Variants in BICRAL observed in about 807,000 individuals in gnomAD.
BICRAL encodes the protein BRD4-interacting chromatin-remodeling complex-associated protein-like.
Under a neutral mutation model 91.8 loss-of-function variants are expected in BICRAL, and 8 were observed. The observed-to-expected ratio is 0.09, with a 90% CI of 0.05 to 0.16. BICRAL has a LOEUF of 0.16. Among genes scored for constraint, BICRAL ranks in the 10% least tolerant of loss-of-function variants. The pLI, the probability that BICRAL is intolerant of heterozygous loss-of-function variation, is 1.00. For missense variants in BICRAL, 1,038 were observed against 1,310.9 expected (o/e 0.79, Z 3.21); for synonymous variants, 445 against 491.1 (o/e 0.91, Z 1.24).
intron 2 of BICRAL, among the ~76,000 whole-genome samples, chr6:42,815,694 A>G (rs1763970440): frequency 6.6e-6 from 1 of 152,088 alleles, no homozygotes; most frequent in Non-Finnish European, 1.5e-5. Context: ...TTTTTAAGAT[A>G]CAGTATTTCT....
chr6:42,836,965 G>A (rs568761732), intron 6 of BICRAL, among the ~76,000 whole-genome samples: 11 of 146,094 alleles, frequency 7.5e-5, no homozygotes, highest in African/African-American at 2.5e-4. Context: ...TTTTTTTTGA[G>A]ATGGAGTCTC....
intron 10 of BICRAL, among the ~76,000 whole-genome samples, chr6:42,859,935 G>A (rs1030747339): frequency 1.4e-4 from 21 of 152,036 alleles, no homozygotes; most frequent in South Asian, 4.1e-4. Context: ...ATGAGCCACC[G>A]TGCCCGGCCT....
chr6:42,760,975 T>C (rs1762534416), intron 1 of BICRAL, among the ~76,000 whole-genome samples: 2 of 146,584 alleles, frequency 1.4e-5, no homozygotes, highest in African/African-American at 2.7e-5. Flanking sequence ...TCAGCCGAGA[T>C]CACGCCACTG....
Position 42,840,314 on chromosome 6 carries a change from C to T in BICRAL, c.1839+10142C>T, listed in dbSNP as rs1764749219. ...CTGGAGTGCAGTGGTGCAATCTTGG[C>T]CCACTGCAACCTCTGCCTCCCGGGT... On this transcript the variant is annotated intron_variant, in intron 6 of 12. Transcript: ENST00000314073. Among the ~76,000 whole-genome samples, 3 of 144,260 alleles carry T rather than the reference C, an allele frequency of 2.1e-5. No individual in the cohort carries two copies. The South Asian group carries it at 6.8e-4, about 33-fold the overall frequency. The allele number at this position is 144,260 out of a possible 152,430, so 94.6% of individuals were successfully genotyped here.
At chr6:42,764,468 C>T (rs1238360876) in intron 1 of BICRAL, among the ~76,000 whole-genome samples, 1 of 151,716 alleles carries the variant, frequency 6.6e-6, no homozygotes. Context: ...TGGAGGATCA[C>T]CTGAGCCTGG....
intron 1 of BICRAL, among the ~76,000 whole-genome samples, chr6:42,802,517 C>T (rs1763606934): frequency 6.6e-6 from 1 of 151,894 alleles, no homozygotes; most frequent in African/African-American, 2.4e-5. Context: ...GGCACGATCT[C>T]GGCTCACTGC....
At chr6:42,761,942 T>G (rs1762557252) in intron 1 of BICRAL, among the ~76,000 whole-genome samples, 1 of 152,048 alleles carries the variant, frequency 6.6e-6, no homozygotes, top group South Asian at 2.1e-4. Flanking sequence ...CGTACTTCTT[T>G]CAGGATTATC....
At chr6:42,783,149 C>T (rs1762978632) in intron 1 of BICRAL, among the ~76,000 whole-genome samples, 1 of 151,184 alleles carries the variant, frequency 6.6e-6, no homozygotes, top group Admixed American at 6.6e-5. Flanking sequence ...CGCTCCCGCT[C>T]CGAGCCCGCG....
chr6:42,812,924 A>G (rs1763881356), intron 2 of BICRAL, among the ~76,000 whole-genome samples: 1 of 152,084 alleles, frequency 6.6e-6, no homozygotes, highest in South Asian at 2.1e-4. Context: ...GGTCCCAGCT[A>G]CTCAAGAGGC....
intron 1 of BICRAL, among the ~76,000 whole-genome samples, chr6:42,800,769 A>G (rs911192006): frequency 2.6e-5 from 4 of 152,114 alleles, no homozygotes; most frequent in African/African-American, 9.7e-5. Flanking sequence ...TCCTCAGTGT[A>G]TCTTCCTTGG....
intron 12 of BICRAL, among the ~76,000 whole-genome samples, chr6:42,863,853 C>T (rs570232742): frequency 3.4e-4 from 52 of 152,216 alleles, no homozygotes; most frequent in Admixed American, 9.2e-4. Flanking sequence ...CATGGTGAAA[C>T]CCCGTCTTTA....
In BICRAL at chr6:42,809,759, C is replaced by T. The variant is rs530079266; in HGVS notation, c.-101-547C>T. Among the ~76,000 whole-genome samples the T allele has an allele frequency of 5.9e-5, 9 of 151,630 alleles. No individual in the cohort carries two copies. The South Asian group carries it at 1.3e-3, about 21-fold the overall frequency. ...CCAAAGTGCTGGAATTATAAGCCACCGTGCCCAGCTGGGAATTTTTATTTA... is the reference window on the plus strand; with the variant it reads ...CCAAAGTGCTGGAATTATAAGCCACTGTGCCCAGCTGGGAATTTTTATTTA... On this transcript the variant is annotated intron_variant, in intron 1 of 12. Transcript: ENST00000314073.
In BICRAL at chr6:42,830,570, A is replaced by T. The variant is rs191805398; in HGVS notation, c.1839+398A>T. ...TGAGACCCTGTCTCAAAAAAAAAAA[A>T]TTTTTTTTTACACTTATGACTGGTT... On this transcript the variant is annotated intron_variant, in intron 6 of 12. Transcript: ENST00000314073. Among the ~76,000 whole-genome samples the T allele has an allele frequency of 6.5e-3, 980 of 149,970 alleles. 54 individuals are homozygous for T. In the East Asian group the frequency reaches 0.13, roughly 20 times the overall value.
rs1762703528 is a variant in BICRAL at position 42,770,541 on chromosome 6, A to C, written c.-260-11298A>C. On this transcript the variant is annotated intron_variant, in intron 1 of 14. Coordinates refer to the BICRAL transcript ENST00000614467. ...GCGATTCTTCTCCCTCAGCCTCCAGAGTAGCTGGGATTACAGGCACCTGCC... is the reference window on the plus strand; with the variant it reads ...GCGATTCTTCTCCCTCAGCCTCCAGCGTAGCTGGGATTACAGGCACCTGCC... Among the ~76,000 whole-genome samples the C allele has an allele frequency of 6.0e-5, 9 of 150,000 alleles. 1 individual carries two copies. In the South Asian group the frequency reaches 1.7e-3, roughly 28 times the overall value.
At chr6:42,792,961 T>A (rs1763316367) in intron 1 of BICRAL, among the ~76,000 whole-genome samples, 1 of 150,298 alleles carries the variant, frequency 6.7e-6, no homozygotes, top group African/African-American at 2.4e-5. Flanking sequence ...TGGTTTATTT[T>A]ATTTATTTTT....
At chr6:42,844,379 G>A (rs1033486120) in intron 6 of BICRAL, among the ~76,000 whole-genome samples, 3 of 150,770 alleles carry the variant, frequency 2.0e-5, no homozygotes, top group African/African-American at 7.3e-5. Flanking sequence ...AGTGGTGGCG[G>A]GCACCTGTAG....
chr6:42,766,781 C>T lies in BICRAL; in HGVS notation c.-260-15058C>T, dbSNP rs1762638965. Among the ~76,000 whole-genome samples, 4 of 152,216 alleles carry T rather than the reference C, an allele frequency of 2.6e-5. No individual in the cohort carries two copies. The South Asian group carries it at 8.3e-4, about 32-fold the overall frequency. ...TTGTGCCGGGTGCCGTGGCTCACACCTGTAATCCCAGCACTTTGGGAGGCC... is the reference window on the plus strand; with the variant it reads ...TTGTGCCGGGTGCCGTGGCTCACACTTGTAATCCCAGCACTTTGGGAGGCC... On this transcript the variant is annotated intron_variant, in intron 1 of 14. Transcript: ENST00000614467.
At chr6:42,748,580 C>G (rs958960331) in intron 1 of BICRAL, among the ~76,000 whole-genome samples, 2 of 152,114 alleles carry the variant, frequency 1.3e-5, no homozygotes, top group African/African-American at 4.8e-5. Context: ...TTCGAACTTT[C>G]AAGAAAAGGA....
At chr6:42,778,623 T>C (rs192267815), upstream of BICRAL, among the ~76,000 whole-genome samples, 14 of 152,324 alleles carry the variant, frequency 9.2e-5, no homozygotes, top group East Asian at 2.5e-3. Context: ...TTTTTCAAAG[T>C]CAGATTTCAG....
Sources: gnomAD v4.1 joint callset for allele counts (sites outside exome capture counted in the v4.1 genomes callset) on GRCh38, gnomAD v4.1.1 for gene constraint, MANE v1.5 for transcripts, NCBI Gene and HGNC (gene_info 2026-07-23, HGNC 2026-07-21) for gene names.